The following CCAR1 variants were observed in gnomAD, a reference collection of about 807,000 sequenced individuals.
CCAR1 encodes cell division cycle and apoptosis regulator 1.
CCAR1 carries 78 observed loss-of-function variants against 163.8 expected under a neutral mutation model. That is an observed-to-expected ratio of 0.48 (90% confidence interval 0.40 to 0.57). CCAR1 has a LOEUF of 0.57. CCAR1 is among the 20% of genes least tolerant of loss of function. CCAR1 has a pLI of 0.00. For synonymous variants in CCAR1, 443 were observed against 460.7 expected (o/e 0.96, Z 0.49); for missense variants, 1,019 against 1,365.2 (o/e 0.75, Z 4.00).
intron 21 of CCAR1, among the ~76,000 whole-genome samples, chr10:68,787,600 C>T (rs1015805023): frequency 3.9e-5 from 6 of 152,024 alleles, no homozygotes; most frequent in African/African-American, 1.4e-4. Flanking sequence ...CTTTGGGAGG[C>T]GGAGGAGGGT....
At chr10:68,747,681 C>G in intron 8 of CCAR1, 115 bp downstream of exon 8, 1 of 879,206 alleles carries the variant, frequency 1.1e-6, no homozygotes, top group Non-Finnish European at 1.8e-6. Flanking sequence ...GCCTAAAAAT[C>G]CTGAATAGGA....
chr10:68,744,516 A>G (rs1452902081), intron 6 of CCAR1, among the ~76,000 whole-genome samples: 3 of 152,226 alleles, frequency 2.0e-5, no homozygotes, highest in Non-Finnish European at 4.4e-5. Flanking sequence ...TGATTGATGG[A>G]CTGACATTCA....
chr10:68,748,378 C>T (rs186836395), intron 8 of CCAR1, among the ~76,000 whole-genome samples: 5 of 150,508 alleles, frequency 3.3e-5, no homozygotes, highest in South Asian at 2.1e-4. Flanking sequence ...TCAGTCTGGG[C>T]GATAAGAGCA....
intron 19 of CCAR1, among the ~76,000 whole-genome samples, chr10:68,783,331 G>A (rs1321240527): frequency 2.6e-5 from 4 of 151,650 alleles, no homozygotes; most frequent in Non-Finnish European, 5.9e-5. Context: ...CCACCACCAC[G>A]CCTGGCTAAT....
At chr10:68,760,879 CA>C (rs3998847) in intron 15 of CCAR1, 127 bp from the exon 16 acceptor site, 33,867 of 301,640 alleles carry the variant, frequency 0.11, 1,121 homozygotes, top group East Asian at 0.22. Context: ...AAACAAAAAA[CA>C]AAAAAAAAAA....
rs10998430 is a variant in CCAR1, at chr10:68,777,817, A to T, written c.2650+4718A>T. On this transcript the variant is annotated intron_variant, in intron 19 of 24. Coordinates refer to ENST00000265872, the MANE Select transcript of CCAR1 (RefSeq NM_018237.4). ...CTTGGTGGTGCATGCCTGTAATCCC[A>T]GCTACTCAGGAGTCTGAGCTGGTAG... is the stretch of plus-strand genomic sequence containing the variant. 7.6e-3 allele frequency among the ~76,000 whole-genome samples: 1,157 copies of T among 152,280 alleles called. 21 individuals are homozygous for T. Among genetic ancestry groups the T allele is most frequent in the African/African-American group, 0.026 (1,074 of 41,556 alleles).
chr10:68,789,103 G>T (rs897335745), intron 23 of CCAR1, among the ~76,000 whole-genome samples: 2 of 151,412 alleles, frequency 1.3e-5, no homozygotes, highest in Non-Finnish European at 2.9e-5. Context: ...TAGAGACAGG[G>T]TTTCACCATG....
At position 68,771,220 on chromosome 10, in the gene CCAR1, G is replaced by C; in HGVS notation, c.2313G>C (p.Ala771=). Residue 771 remains alanine, a synonymous_variant, in exon 18 of 25, where the codon GCG becomes GCC. Transcript: ENST00000265872. ...TCTTTTTATAGGTTTCATTGTTTGC[G>C]GAACTTTTCAACGAAATGCTTCAAA... is the stretch of plus-strand genomic sequence containing the variant. The part of the protein sequence containing the change: ...KEHSFEVSLF[A]ELFNEMLQRD... 6.3e-7 allele frequency: 1 copy of C among 1,586,376 alleles called. No individual in the cohort carries two copies. The highest frequency in any genetic ancestry group is 8.5e-7 in the Non-Finnish European group (1 of 1,172,308).
intron 10 of CCAR1, among the ~76,000 whole-genome samples, chr10:68,752,101 G>A (rs1423897711): frequency 1.5e-4 from 22 of 151,310 alleles, no homozygotes; most frequent in African/African-American, 5.3e-4. Context: ...TGTATTTTTA[G>A]TAGAGACAGG....
In CCAR1 at chr10:68,766,079, G is replaced by A; in HGVS notation, c.2298G>A (p.Glu766=). ...AGGATAATAAAGAACATTCATTTGA[G>A]GTAATGTTTTAAGTTTGAAATAAGA... ...RLEDNKEHSF[E]VSLFAELFNE... Residue 766 remains glutamate (E), a splice_region_variant and synonymous_variant, in exon 17 of 25, where the codon GAG becomes GAA. Coordinates refer to ENST00000265872, the MANE Select transcript of CCAR1 (RefSeq NM_018237.4). The A allele has an allele frequency of 6.3e-7, 1 of 1,586,718 alleles. No homozygotes were observed. The highest frequency in any genetic ancestry group is 8.6e-7 in the Non-Finnish European group (1 of 1,156,100).
intron 10 of CCAR1, among the ~76,000 whole-genome samples, chr10:68,751,349 A>G (rs951899062): frequency 6.6e-6 from 1 of 151,926 alleles, no homozygotes; most frequent in Non-Finnish European, 1.5e-5. Context: ...TTAACTTTAC[A>G]CTAGTTTTCT....
At chr10:68,754,560 AGGCT>A (rs2056375983) in intron 11 of CCAR1, among the ~76,000 whole-genome samples, 150 bp from the exon 12 acceptor site, 1 of 152,344 alleles carries the variant, frequency 6.6e-6, no homozygotes, top group East Asian at 1.9e-4. Flanking sequence ...GCACTTTGGG[AGGCT>A]GAGGTATCTA....
intron 2 of CCAR1, among the ~76,000 whole-genome samples, chr10:68,733,935 A>T (rs539343941): frequency 6.6e-6 from 1 of 152,208 alleles, no homozygotes; most frequent in Non-Finnish European, 1.5e-5. Context: ...AAGTGCTGGG[A>T]TTACAGGCGT....
At chr10:68,780,163 A>G (rs1384951991) in intron 19 of CCAR1, among the ~76,000 whole-genome samples, 1 of 152,226 alleles carries the variant, frequency 6.6e-6, no homozygotes, top group Non-Finnish European at 1.5e-5. Context: ...TCAATCATCA[A>G]AAATAAGTAA....
intron 10 of CCAR1, among the ~76,000 whole-genome samples, chr10:68,753,187 AC>A (rs2056356465): frequency 1.3e-5 from 2 of 151,518 alleles, no homozygotes; most frequent in Non-Finnish European, 2.9e-5. Flanking sequence ...TAAAAGCTCT[AC>A]TTCTTAGGAA....
chr10:68,759,909 A>AC (rs2056447312), intron 15 of CCAR1, among the ~76,000 whole-genome samples: 1 of 152,174 alleles, frequency 6.6e-6, no homozygotes, highest in African/African-American at 2.4e-5. Context: ...ATGAGAGTTC[A>AC]CTGTAGCTTC....
intron 19 of CCAR1, among the ~76,000 whole-genome samples, chr10:68,784,001 G>A (rs899168132): frequency 5.3e-5 from 8 of 151,798 alleles, no homozygotes; most frequent in South Asian, 2.1e-4. Context: ...CTCGTGATCC[G>A]CCCACCTCAG....
chr10:68,776,595 C>T (rs771273432), intron 19 of CCAR1, among the ~76,000 whole-genome samples: 1 of 152,100 alleles, frequency 6.6e-6, no homozygotes, highest in African/African-American at 2.4e-5. Context: ...GGTCTGTCAC[C>T]CAGGCTGGAG....
At chr10:68,727,320 G>A (rs753654127) in intron 2 of CCAR1, among the ~76,000 whole-genome samples, 3 of 151,752 alleles carry the variant, frequency 2.0e-5, no homozygotes, top group Non-Finnish European at 4.4e-5. Context: ...CAGACAATCC[G>A]CCCATCGTGG....
Sources: allele counts gnomAD v4.1 joint callset (sites outside exome capture counted in the v4.1 genomes callset), GRCh38; gene constraint gnomAD v4.1.1; transcripts MANE v1.5; gene names NCBI Gene and HGNC (gene_info 2026-07-23, HGNC 2026-07-21).